COL10A1: variants seen among roughly 807,000 people sequenced by gnomAD.
The protein encoded by COL10A1 is collagen alpha-1(X) chain.
A neutral mutation model predicts 18.2 loss-of-function variants in COL10A1; 10 were observed. The observed-to-expected ratio is 0.55, with a 90% CI of 0.34 to 0.93. The LOEUF (loss-of-function observed/expected upper bound fraction) is 0.93, where lower values mean the gene tolerates loss of function less well. COL10A1 is among the 40% of genes least tolerant of loss of function. COL10A1 has a pLI of 0.02. For missense variants in COL10A1, 897 were observed against 853.5 expected (o/e 1.05, Z -0.64); for synonymous variants, 330 against 316.6 (o/e 1.04, Z -0.45).
chr6:116,200,979 G>A, the COL10A1 span, among the ~76,000 whole-genome samples: 1 of 151,874 alleles, frequency 6.6e-6, no homozygotes, highest in African/African-American at 2.4e-5. Context: ...TAGTTTCTTT[G>A]TTCTCAAGAG....
chr6:116,199,231 G>A, the COL10A1 span, among the ~76,000 whole-genome samples: 1 of 152,126 alleles, frequency 6.6e-6, no homozygotes, highest in East Asian at 1.9e-4. Context: ...TGTCAGTTAC[G>A]CCTATTAAAT....
upstream of COL10A1, among the ~76,000 whole-genome samples, chr6:116,162,015 A>G (rs1268442812): frequency 6.6e-6 from 1 of 151,936 alleles, no homozygotes; most frequent in Non-Finnish European, 1.5e-5. Context: ...GTATTCCTAG[A>G]TAGTCTATGT....
upstream of COL10A1, among the ~76,000 whole-genome samples, chr6:116,126,751 G>A (rs1313090048): frequency 6.6e-6 from 1 of 151,950 alleles, no homozygotes; most frequent in East Asian, 1.9e-4. Context: ...AGTAGAGTTT[G>A]CAAAAACCCC....
chr6:116,200,640 G>GT, the COL10A1 span, among the ~76,000 whole-genome samples: 1 of 151,908 alleles, frequency 6.6e-6, no homozygotes, highest in Non-Finnish European at 1.5e-5. Context: ...TCGAGCTCTG[G>GT]TATATAATTC....
upstream of COL10A1, among the ~76,000 whole-genome samples, chr6:116,162,308 A>G (rs953019504): frequency 6.6e-6 from 1 of 152,150 alleles, no homozygotes; most frequent in Non-Finnish European, 1.5e-5. Context: ...AACTTCCATT[A>G]CTATGTTGAA....
chr6:116,154,900 T>G (rs1160678868), intron 1 of COL10A1, among the ~76,000 whole-genome samples: 1 of 152,142 alleles, frequency 6.6e-6, no homozygotes, highest in African/African-American at 2.4e-5. Context: ...TTTTTCTTCA[T>G]AAGATAAAAA....
chr6:116,143,810 C>G (rs141208274), intron 1 of COL10A1, among the ~76,000 whole-genome samples: 1 of 152,150 alleles, frequency 6.6e-6, no homozygotes, highest in East Asian at 1.9e-4. Context: ...ATAATCAAAT[C>G]AAGAAAAATT....
At chr6:116,174,861 C>G in the COL10A1 span, among the ~76,000 whole-genome samples, 1 of 152,132 alleles carries the variant, frequency 6.6e-6, no homozygotes, top group African/African-American at 2.4e-5. Context: ...TCCCTACAAA[C>G]ACTACATAAG....
the COL10A1 span, among the ~76,000 whole-genome samples, chr6:116,205,960 G>A: frequency 1.3e-5 from 2 of 151,898 alleles, no homozygotes; most frequent in Admixed American, 6.6e-5. Context: ...GGTTCTAATA[G>A]CTACCCCAAG....
chr6:116,124,653 A>T (rs1013623420), intron 2 of COL10A1, among the ~76,000 whole-genome samples: 1 of 152,236 alleles, frequency 6.6e-6, no homozygotes, highest in African/African-American at 2.4e-5. Context: ...AGCCCTTGAG[A>T]TAGCTGCTCC....
chr6:116,196,956 A>G, the COL10A1 span, among the ~76,000 whole-genome samples: 2 of 151,092 alleles, frequency 1.3e-5, no homozygotes, highest in Admixed American at 6.6e-5. Flanking sequence ...CCAGAGTTCT[A>G]TCTAGTTGCA....
chr6:116,210,406 TA>T, the COL10A1 span, among the ~76,000 whole-genome samples: 2 of 152,018 alleles, frequency 1.3e-5, no homozygotes, highest in East Asian at 3.9e-4. Flanking sequence ...ACCCTGTAGT[TA>T]CCATAGAGTC....
chr6:116,196,609 T>A, the COL10A1 span, among the ~76,000 whole-genome samples: 3 of 152,020 alleles, frequency 2.0e-5, no homozygotes, highest in Non-Finnish European at 2.9e-5. Flanking sequence ...AAAGTTGAGG[T>A]CAGGGGAACA....
intron 1 of COL10A1, among the ~76,000 whole-genome samples, chr6:116,140,817 T>C (rs891531368): frequency 8.5e-5 from 13 of 152,184 alleles, no homozygotes; most frequent in Non-Finnish European, 1.6e-4. Flanking sequence ...TGTGGGGCTG[T>C]TTATTCATTT....
In COL10A1 at chr6:116,124,560, A is replaced by G. The variant is rs187664754; in HGVS notation, c.154+779T>C. 2.6e-3 allele frequency among the ~76,000 whole-genome samples: 398 copies of G among 152,324 alleles called. 10 individuals carry two copies. The South Asian group carries it at 0.044, about 17-fold the overall frequency. On this transcript the variant is annotated intron_variant, in intron 2 of 2. Coordinates refer to ENST00000651968, the MANE Select transcript of COL10A1 (RefSeq NM_000493.4). ...AGTAGCTAAAAGTAGTAGAAATAAA[A>G]CTAGGAGTAACAGAAGTAGTAGTAG... is the stretch of plus-strand genomic sequence containing the variant.
At chr6:116,185,245 CT>C in the COL10A1 span, among the ~76,000 whole-genome samples, 1 of 152,024 alleles carries the variant, frequency 6.6e-6, no homozygotes, top group Admixed American at 6.6e-5. Context: ...TAATTTCAGT[CT>C]TCTTAAATTT....
At chr6:116,209,758 G>T in the COL10A1 span, among the ~76,000 whole-genome samples, 1 of 151,864 alleles carries the variant, frequency 6.6e-6, no homozygotes, top group Non-Finnish European at 1.5e-5. Flanking sequence ...TATCAGTTCA[G>T]TGACAAAGAA....
At chr6:116,173,880 G>GT in the COL10A1 span, among the ~76,000 whole-genome samples, 1 of 152,086 alleles carries the variant, frequency 6.6e-6, no homozygotes, top group Non-Finnish European at 1.5e-5. Flanking sequence ...GCTTCTACCA[G>GT]TTTTTATACT....
intron 1 of COL10A1, among the ~76,000 whole-genome samples, chr6:116,153,723 A>G (rs1401872758): frequency 6.6e-6 from 1 of 152,146 alleles, no homozygotes; most frequent in African/African-American, 2.4e-5. Context: ...AGTTCAGTCT[A>G]GTAACTTTCT....
Sources: allele counts gnomAD v4.1 joint callset (sites outside exome capture counted in the v4.1 genomes callset), GRCh38; gene constraint gnomAD v4.1.1; transcripts MANE v1.5; gene names NCBI Gene and HGNC (gene_info 2026-07-23, HGNC 2026-07-21).